The following ATXN1 variants were observed in gnomAD, a reference collection of about 807,000 sequenced individuals.
ATXN1 encodes the protein ataxin-1.
A neutral mutation model predicts 56.4 loss-of-function variants in ATXN1; 8 were observed. The ratio of observed to expected loss-of-function variants is 0.14; its 90% CI spans 0.08 to 0.26. ATXN1 has a LOEUF of 0.26. Among genes scored for constraint, ATXN1 ranks in the 10% least tolerant of loss-of-function variants. The pLI is 1.00. For synonymous variants in ATXN1, 514 were observed against 494.6 expected (o/e 1.04, Z -0.52); for missense variants, 987 against 1,106.5 (o/e 0.89, Z 1.53).
rs139637611 is a variant in ATXN1, at chr6:16,408,366, C to T, written c.-161+77606G>A. Among the ~76,000 whole-genome samples the T allele has an allele frequency of 9.2e-5, 14 of 152,210 alleles. No individual in the cohort carries two copies. The South Asian group carries it at 1.7e-3, about 18-fold the overall frequency. On this transcript the variant is annotated intron_variant, in intron 6 of 7. Transcript: ENST00000436367. ...AAACTATAGTTATTTTAAATAGTGG[C>T]CTCACCAAAGCCTGCTTTCACACTG...
rs1460851969 is a variant in ATXN1 at position 16,402,271 on chromosome 6, T to G, written c.-160-73801A>C. 1.6e-3 allele frequency among the ~76,000 whole-genome samples: 107 copies of G among 68,460 alleles called. 6 individuals are homozygous for G. Among genetic ancestry groups the G allele is most frequent in the African/African-American group, 4.1e-3 (92 of 22,436 alleles). The allele number at this position is 68,460 out of a possible 152,430, so 44.9% of individuals were successfully genotyped here. A position where few individuals can be genotyped will look rare whatever the true frequency, so the allele number is the denominator to read the frequency against. ...TTTTTTTTTTTTTTTTTTTTTTTTTTTTTTTTTTTGCTTCTAGTTCTAATG... is the reference window on the plus strand; with the variant it reads ...TTTTTTTTTTTTTTTTTTTTTTTTTGTTTTTTTTTGCTTCTAGTTCTAATG... On this transcript the variant is annotated intron_variant, in intron 6 of 7. Coordinates refer to ENST00000436367, the MANE Select transcript of ATXN1 (RefSeq NM_001128164.2).
rs80347782 is a variant in ATXN1 at position 16,695,715 on chromosome 6, T to A, written c.-614-37814A>T. The stretch of plus-strand genomic sequence containing the variant: ...AAGAAGAGAAGTGACTGTATTTATT[T>A]TTATTTTACCCAATGTCCATTTGGG... On this transcript the variant is annotated intron_variant, in intron 2 of 7. Coordinates refer to ENST00000436367, the MANE Select transcript of ATXN1 (RefSeq NM_001128164.2). Among the ~76,000 whole-genome samples, 151 of 152,358 alleles carry A rather than the reference T, an allele frequency of 9.9e-4. 3 individuals carry two copies. The East Asian group carries it at 0.026, about 26-fold the overall frequency.
At chr6:16,633,359 C>T (rs974107396) in intron 3 of ATXN1, among the ~76,000 whole-genome samples, 4 of 152,084 alleles carry the variant, frequency 2.6e-5, no homozygotes, top group Non-Finnish European at 5.9e-5. Context: ...GAAAAAAATG[C>T]CACCCAATGT....
intron 2 of ATXN1, among the ~76,000 whole-genome samples, chr6:16,750,909 A>G (rs1760696896): frequency 6.6e-6 from 1 of 151,984 alleles, no homozygotes; most frequent in South Asian, 2.1e-4. Context: ...TAAAATGAGT[A>G]TCATCCCTAA....
At chr6:16,599,627 C>T (rs1203543021) in intron 3 of ATXN1, among the ~76,000 whole-genome samples, 1 of 151,224 alleles carries the variant, frequency 6.6e-6, no homozygotes, top group East Asian at 1.9e-4. Flanking sequence ...AGGAGAACAG[C>T]TTGAACCAGG....
chr6:16,493,141 A>G (rs936696154), intron 5 of ATXN1, among the ~76,000 whole-genome samples: 1 of 152,216 alleles, frequency 6.6e-6, no homozygotes, highest in Non-Finnish European at 1.5e-5. Flanking sequence ...TAAAGTAGAT[A>G]TAACACAACT....
At chr6:16,525,927 A>G (rs1037445498) in intron 4 of ATXN1, among the ~76,000 whole-genome samples, 1 of 151,432 alleles carries the variant, frequency 6.6e-6, no homozygotes, top group Non-Finnish European at 1.5e-5. Flanking sequence ...AAGTAATACA[A>G]ATCCACAGAA....
intron 6 of ATXN1, among the ~76,000 whole-genome samples, chr6:16,484,945 ATATGTGTGTGTG>A (rs1760510855): frequency 8.5e-6 from 1 of 118,286 alleles, no homozygotes; most frequent in African/African-American, 3.1e-5. Flanking sequence ...ACCTAAATAT[ATATGTGTGTGTG>A]TGTGTGTGTG....
intron 5 of ATXN1, among the ~76,000 whole-genome samples, chr6:16,488,925 G>A (rs1172513970): frequency 2.0e-5 from 3 of 152,082 alleles, no homozygotes; most frequent in Non-Finnish European, 4.4e-5. Context: ...CTGAAGCCAA[G>A]GTGTCCAATA....
chr6:16,627,501 G>T (rs1364247023), intron 3 of ATXN1, among the ~76,000 whole-genome samples: 1 of 152,138 alleles, frequency 6.6e-6, no homozygotes, highest in Non-Finnish European at 1.5e-5. Context: ...GGCCGAGGTG[G>T]GCGGGTCACG....
intron 5 of ATXN1, among the ~76,000 whole-genome samples, chr6:16,508,599 A>G (rs1183101291): frequency 6.6e-6 from 1 of 152,230 alleles, no homozygotes; most frequent in East Asian, 1.9e-4. Context: ...ACTATCAAAT[A>G]CATTTTTTTA....
chr6:16,452,616 CCA>C (rs1355227786), intron 6 of ATXN1, among the ~76,000 whole-genome samples: 1 of 152,116 alleles, frequency 6.6e-6, no homozygotes, highest in East Asian at 1.9e-4. Flanking sequence ...GATTTTTTTC[CCA>C]CTCTCACTGG....
intron 5 of ATXN1, among the ~76,000 whole-genome samples, chr6:16,509,042 G>A (rs1469039019): frequency 6.6e-6 from 1 of 152,090 alleles, no homozygotes; most frequent in African/African-American, 2.4e-5. Context: ...CTCATAGGAG[G>A]TCCCTAGAGC....
chr6:16,385,289 T>G lies in ATXN1; in HGVS notation c.-160-56819A>C, dbSNP rs1021926549. Among the ~76,000 whole-genome samples the G allele has an allele frequency of 2.6e-5, 4 of 152,084 alleles. No individual in the cohort carries two copies. The South Asian group carries it at 6.2e-4, about 24-fold the overall frequency. On this transcript the variant is annotated intron_variant, in intron 6 of 7. Transcript: ENST00000436367. ...GGGTTAGGCAGGAACATTTTTTGAT[T>G]AAAAATGTCACTCTGGTCATAGAGT...
Position 16,416,455 on chromosome 6 carries a change from G to A in ATXN1, c.-161+69517C>T, listed in dbSNP as rs76152292. ...TGCTATAACCATGGAGCACACAATA[G>A]TGCAAACTATAAAATATAAGAAAGT... is the stretch of plus-strand genomic sequence containing the variant. On this transcript the variant is annotated intron_variant, in intron 6 of 7. Transcript: ENST00000436367. 4.0e-4 allele frequency among the ~76,000 whole-genome samples: 61 copies of A among 152,286 alleles called. 1 individual carries two copies. The East Asian group carries it at 0.01, about 26-fold the overall frequency.
At chr6:16,746,337 T>G (rs1307902386) in intron 2 of ATXN1, among the ~76,000 whole-genome samples, 1 of 152,216 alleles carries the variant, frequency 6.6e-6, no homozygotes, top group Middle Eastern at 3.2e-3. Flanking sequence ...ATGAACTGCT[T>G]ATGAATTAAC....
At chr6:16,393,283 G>A (rs1758391465) in intron 6 of ATXN1, among the ~76,000 whole-genome samples, 2 of 151,900 alleles carry the variant, frequency 1.3e-5, no homozygotes, top group African/African-American at 4.8e-5. Context: ...TAGAGACAGG[G>A]TCTTTCTGGG....
intron 6 of ATXN1, among the ~76,000 whole-genome samples, chr6:16,484,945 ATATGTG>A (rs1281600463): frequency 5.1e-5 from 6 of 118,384 alleles, no homozygotes; most frequent in African/African-American, 1.8e-4. Flanking sequence ...ACCTAAATAT[ATATGTG>A]TGTGTGTGTG....
At chr6:16,703,740 T>C (rs1759342317) in intron 2 of ATXN1, among the ~76,000 whole-genome samples, 1 of 152,164 alleles carries the variant, frequency 6.6e-6, no homozygotes, top group South Asian at 2.1e-4. Context: ...TTAAAGTGGG[T>C]TGGGCACAGT....
Sources: gnomAD v4.1 joint callset for allele counts (sites outside exome capture counted in the v4.1 genomes callset) on GRCh38, gnomAD v4.1.1 for gene constraint, MANE v1.5 for transcripts, NCBI Gene and HGNC (gene_info 2026-07-23, HGNC 2026-07-21) for gene names.